Variants in CNTN5 observed in about 807,000 individuals in gnomAD.
CNTN5 encodes the protein contactin 5, also known as contactin-5.
A neutral mutation model predicts 129.1 loss-of-function variants in CNTN5; 77 were observed. The ratio of observed to expected loss-of-function variants is 0.60; its 90% CI spans 0.50 to 0.72. CNTN5 has a LOEUF of 0.72. Among genes scored for constraint, CNTN5 ranks in the 30% least tolerant of loss-of-function variants. The pLI, the probability that CNTN5 is intolerant of heterozygous loss-of-function variation, is 0.00. For synonymous variants in CNTN5, 509 were observed against 465.6 expected (o/e 1.09, Z -1.20); for missense variants, 1,478 against 1,328.8 (o/e 1.11, Z -1.75).
chr11:99,598,283 T>C (rs866846226), intron 3 of CNTN5, among the ~76,000 whole-genome samples: 102 of 2,700 alleles, frequency 0.038, no homozygotes, highest in Middle Eastern at 0.25. Flanking sequence ...TCTTTTCTTT[T>C]CTTTTCTTTT....
intron 13 of CNTN5, among the ~76,000 whole-genome samples, chr11:100,157,490 A>G (rs1243165565): frequency 4.6e-5 from 7 of 150,988 alleles, no homozygotes; most frequent in Non-Finnish European, 7.4e-5. Flanking sequence ...CATGTTAATG[A>G]ATTGAAAAAC....
intron 2 of CNTN5, among the ~76,000 whole-genome samples, chr11:99,512,794 C>T (rs1200923795): frequency 1.3e-5 from 2 of 152,108 alleles, no homozygotes; most frequent in East Asian, 3.8e-4. Context: ...CATCAACCAA[C>T]CATTACATCA....
chr11:99,999,781 G>C (rs529947678), intron 8 of CNTN5, among the ~76,000 whole-genome samples: 5 of 152,142 alleles, frequency 3.3e-5, no homozygotes, highest in East Asian at 1.9e-4. Context: ...TGATAGACTG[G>C]ATTAAGAAAA....
At chr11:99,759,314 T>A (rs1394711374) in intron 3 of CNTN5, among the ~76,000 whole-genome samples, 1 of 152,022 alleles carries the variant, frequency 6.6e-6, no homozygotes, top group Non-Finnish European at 1.5e-5. Context: ...GATTTACAGA[T>A]TAGCCTTTTC....
chr11:99,096,097 C>A (rs749019737), intron 1 of CNTN5, among the ~76,000 whole-genome samples: 16 of 151,750 alleles, frequency 1.1e-4, no homozygotes, highest in Non-Finnish European at 1.8e-4. Context: ...AGTGGAAATG[C>A]TTTTGTTCCT....
chr11:99,806,478 T>C (rs957479199), intron 3 of CNTN5, among the ~76,000 whole-genome samples: 14 of 152,146 alleles, frequency 9.2e-5, no homozygotes, highest in Non-Finnish European at 1.9e-4. Context: ...CTGATATTTC[T>C]GAATCCATTT....
chr11:100,124,023 T>C (rs1946106396), intron 13 of CNTN5, among the ~76,000 whole-genome samples: 1 of 152,038 alleles, frequency 6.6e-6, no homozygotes, highest in South Asian at 2.1e-4. Context: ...CTTGTTCTTC[T>C]TTATAAAAAT....
At chr11:100,077,627 C>A (rs1442719914) in intron 13 of CNTN5, among the ~76,000 whole-genome samples, 1 of 151,874 alleles carries the variant, frequency 6.6e-6, no homozygotes, top group Non-Finnish European at 1.5e-5. Context: ...TTGAGACCAG[C>A]CTGTGCAACA....
intron 3 of CNTN5, among the ~76,000 whole-genome samples, chr11:99,640,110 C>T (rs371977007): frequency 6.6e-6 from 1 of 152,170 alleles, no homozygotes; most frequent in Non-Finnish European, 1.5e-5. Flanking sequence ...CAAAGCCACT[C>T]AACAAGTCTC....
intron 15 of CNTN5, among the ~76,000 whole-genome samples, chr11:100,215,376 G>C (rs1391621350): frequency 6.6e-6 from 1 of 152,176 alleles, no homozygotes; most frequent in African/African-American, 2.4e-5. Flanking sequence ...CTCCCAGTAA[G>C]TCAAATGGCA....
rs535227632 is a variant in CNTN5, at chr11:99,187,254, A to G, written c.-209-138092A>G. Among the ~76,000 whole-genome samples the G allele has an allele frequency of 2.2e-4, 34 of 151,882 alleles. 1 individual carries two copies. In the Middle Eastern group the frequency reaches 0.017, roughly 76 times the overall value. Reference sequence around the variant, plus strand: ...AAGATGGTGAAGTAATGAAAAATGTACCTTCTTCTCTTATAACCCCAGGCA... The same window carrying G: ...AAGATGGTGAAGTAATGAAAAATGTGCCTTCTTCTCTTATAACCCCAGGCA... On this transcript the variant is annotated intron_variant, in intron 1 of 24. Transcript: ENST00000524871.
rs1253215308 is a variant in CNTN5 at position 99,715,532 on chromosome 11, GAGTGAACCCCAA to G, written c.56-104008_56-103997del. 2.6e-5 allele frequency among the ~76,000 whole-genome samples: 4 copies of G among 151,880 alleles called. No homozygotes were observed. The South Asian group carries it at 8.3e-4, about 31-fold the overall frequency. The stretch of plus-strand genomic sequence containing the variant: ...GGAATGAGAGGAAGAACAGGAAACA[GAGTGAACCCCAA>G]AGTCTGTTTTATGGCCTGTATAGTT... On this transcript the variant is annotated intron_variant, in intron 3 of 24. Coordinates refer to ENST00000524871, the MANE Select transcript of CNTN5 (RefSeq NM_014361.4).
chr11:99,374,734 C>G (rs1033016514), intron 2 of CNTN5, among the ~76,000 whole-genome samples: 6 of 151,874 alleles, frequency 4.0e-5, no homozygotes, highest in Non-Finnish European at 7.4e-5. Flanking sequence ...AATGTCTGGT[C>G]GGTGAGGTAA....
At chr11:99,843,505 T>G (rs1007410545) in intron 4 of CNTN5, among the ~76,000 whole-genome samples, 8 of 152,176 alleles carry the variant, frequency 5.3e-5, no homozygotes, top group Admixed American at 5.2e-4. Flanking sequence ...TTTCTGAATA[T>G]TTTCTTGTGA....
intron 18 of CNTN5, among the ~76,000 whole-genome samples, chr11:100,292,048 A>T (rs1950994628): frequency 1.3e-5 from 2 of 152,034 alleles, no homozygotes; most frequent in Admixed American, 6.6e-5. Flanking sequence ...ATTTAATTAA[A>T]AAAATTTAAT....
chr11:99,549,213 T>C (rs936962899), intron 2 of CNTN5, among the ~76,000 whole-genome samples: 19 of 152,164 alleles, frequency 1.2e-4, no homozygotes, highest in Admixed American at 5.9e-4. Context: ...TCTTTTCCTG[T>C]AAGTGACATG....
chr11:100,161,867 A>T (rs1325672383), intron 13 of CNTN5, among the ~76,000 whole-genome samples: 2 of 135,438 alleles, frequency 1.5e-5, no homozygotes, highest in East Asian at 5.3e-4. Flanking sequence ...ACACACACAC[A>T]CACACAAAAC....
intron 2 of CNTN5, among the ~76,000 whole-genome samples, chr11:99,336,190 C>G (rs1353646886): frequency 6.6e-6 from 1 of 152,122 alleles, no homozygotes. Context: ...AAATATCAAT[C>G]AAATTAGCTA....
chr11:99,679,877 C>G (rs141668307), intron 3 of CNTN5, among the ~76,000 whole-genome samples: 2 of 152,290 alleles, frequency 1.3e-5, no homozygotes, highest in Admixed American at 1.3e-4. Context: ...ATTAAAAGTG[C>G]TACTCCAGTG....
Sources: gnomAD v4.1 joint callset for allele counts (sites outside exome capture counted in the v4.1 genomes callset) on GRCh38, gnomAD v4.1.1 for gene constraint, MANE v1.5 for transcripts, NCBI Gene and HGNC (gene_info 2026-07-23, HGNC 2026-07-21) for gene names.